KIF13A: variants seen among roughly 807,000 people sequenced by gnomAD.
KIF13A encodes kinesin-like protein KIF13A.
Under a neutral mutation model 212.2 loss-of-function variants are expected in KIF13A, and 79 were observed. The ratio of observed to expected loss-of-function variants is 0.37; its 90% CI spans 0.31 to 0.45. The LOEUF is 0.45. KIF13A is among the 20% of genes least tolerant of loss of function. KIF13A has a pLI of 1.00. For missense variants in KIF13A, 1,901 were observed against 2,209.0 expected, an observed-to-expected ratio of 0.86 and a Z score of 2.79; for synonymous variants, 789 against 808.6, an observed-to-expected ratio of 0.98 and a Z score of 0.41.
chr6:17,938,657 T>C (rs1776682838), intron 2 of KIF13A, among the ~76,000 whole-genome samples: 1 of 152,094 alleles, frequency 6.6e-6, no homozygotes, highest in Non-Finnish European at 1.5e-5. Flanking sequence ...CAACTAAATC[T>C]CACTGAAATG....
intron 4 of KIF13A, among the ~76,000 whole-genome samples, chr6:17,860,554 T>C (rs1363543503): frequency 6.6e-6 from 1 of 152,138 alleles, no homozygotes. Flanking sequence ...TGCATCTTAG[T>C]AGAATGCCTG....
chr6:17,874,198 ACT>A, intron 3 of KIF13A, among the ~76,000 whole-genome samples: 1 of 150,936 alleles, frequency 6.6e-6, no homozygotes, highest in African/African-American at 2.4e-5. Context: ...GAAGTTCAAA[ACT>A]CTCCATATTC....
At chr6:17,841,354 C>T (rs1024045388) in intron 9 of KIF13A, among the ~76,000 whole-genome samples, 2 of 152,132 alleles carry the variant, frequency 1.3e-5, no homozygotes, top group African/African-American at 4.8e-5. Flanking sequence ...TGTGAGCCAC[C>T]ATGCCCAGTC....
At chr6:17,784,684 T>G (rs368000255) in intron 28 of KIF13A, among the ~76,000 whole-genome samples, 142 of 152,188 alleles carry the variant, frequency 9.3e-4, no homozygotes, top group African/African-American at 3.2e-3. Context: ...ACAAACTGTC[T>G]AGAGAGGGCT....
At chr6:17,767,838 T>A (rs984675500) in intron 38 of KIF13A, among the ~76,000 whole-genome samples, 1 of 152,298 alleles carries the variant, frequency 6.6e-6, no homozygotes, top group Admixed American at 6.5e-5. Flanking sequence ...AATCATGAAT[T>A]CACTGAGTAG....
intron 2 of KIF13A, among the ~76,000 whole-genome samples, chr6:17,959,742 G>C (rs569747221): frequency 6.6e-6 from 1 of 152,178 alleles, no homozygotes; most frequent in African/African-American, 2.4e-5. Context: ...CTATCAGTTC[G>C]GCTGGGCGCA....
chr6:17,893,710 T>C (rs368540625), intron 3 of KIF13A, among the ~76,000 whole-genome samples: 1 of 152,174 alleles, frequency 6.6e-6, no homozygotes, highest in South Asian at 2.1e-4. Flanking sequence ...GGATGTCAGA[T>C]GTAGATTTCT....
chr6:17,964,316 A>C (rs909188589), intron 2 of KIF13A, among the ~76,000 whole-genome samples: 2 of 152,186 alleles, frequency 1.3e-5, no homozygotes, highest in Admixed American at 6.5e-5. Context: ...TAATCAGAAA[A>C]GCCCAAGTTT....
intron 2 of KIF13A, among the ~76,000 whole-genome samples, chr6:17,976,594 G>T (rs111832282): frequency 6.6e-6 from 1 of 152,150 alleles, no homozygotes; most frequent in Admixed American, 6.5e-5. Context: ...GCAAGCTGAG[G>T]GAGCCGGCTC....
rs1164978543 is a variant in KIF13A at position 17,768,050 on chromosome 6, G to A, written c.4581+3064C>T. ...TCCAGAAAAAGGAAAACTTAGTAGA[G>A]ATTAAACATTTTCCAATACTTAAAA... is the stretch of plus-strand genomic sequence containing the variant. On this transcript the variant is annotated intron_variant, in intron 38 of 38. Transcript: ENST00000259711. The surrounding 1 kb of genome is among the most constrained non-coding windows in gnomAD (Gnocchi z 5.4). Among the ~76,000 whole-genome samples, 1 of 152,118 alleles carries A rather than the reference G, an allele frequency of 6.6e-6. No homozygotes were observed. Among genetic ancestry groups the A allele is most frequent in the Non-Finnish European group, 1.5e-5 (1 of 68,032 alleles).
Position 17,821,953 on chromosome 6 carries a change from A to T in KIF13A, c.1786+3815T>A, listed in dbSNP as rs934822217. The T allele has an allele frequency of 7.2e-6, 11 of 1,532,024 alleles. No individual in the cohort carries two copies. In the East Asian group the frequency reaches 2.4e-4, roughly 34 times the overall value. The allele number at this position is 1,532,024 out of a possible 1,614,324, so 94.9% of individuals were successfully genotyped here. On this transcript the variant is annotated intron_variant, in intron 16 of 38. Coordinates refer to ENST00000259711, the MANE Select transcript of KIF13A (RefSeq NM_022113.6). Reference sequence around the variant, plus strand: ...GTGAACACCGTCCAGCCACCGGCACATCAGCACTTGCATCAGAGACTGTGT... The same window carrying T: ...GTGAACACCGTCCAGCCACCGGCACTTCAGCACTTGCATCAGAGACTGTGT...
chr6:17,884,843 T>C (rs567357589), intron 3 of KIF13A, among the ~76,000 whole-genome samples: 1 of 152,330 alleles, frequency 6.6e-6, no homozygotes, highest in South Asian at 2.1e-4. Flanking sequence ...GCCCCAGAGC[T>C]CTCTGAAAAG....
At position 17,785,708 on chromosome 6, in the gene KIF13A, A is replaced by G. The variant is rs555263859; in HGVS notation, c.3362-67T>C. ...AGTATGACTTCTCAGTTTACAAGGA[A>G]TAGATTTCAGCCTGGGCAACATAGT... On this transcript the variant is annotated intron_variant, in intron 27 of 38. Transcript: ENST00000259711. This position sits in a 1 kb window ranked among gnomAD's most constrained non-coding sequence, Gnocchi z 5.8. 5.2e-6 allele frequency: 8 copies of G among 1,539,648 alleles called. No individual in the cohort carries two copies. The highest frequency in any genetic ancestry group is 1.4e-5 in the African/African-American group (1 of 73,016).
rs1581885062 is a variant in KIF13A, at chr6:17,777,589, G to T, written c.4093-235C>A. On this transcript the variant is annotated intron_variant, in intron 33 of 38. Coordinates refer to ENST00000259711, the MANE Select transcript of KIF13A (RefSeq NM_022113.6). The surrounding 1 kb of genome is among the most constrained non-coding windows in gnomAD (Gnocchi z 4.4). Reference sequence around the variant, plus strand: ...AGTAGAGACGGGGTTTCACCATGTTGCCCAGGTTGGTCTTGAACTCCTGAG... The same window carrying T: ...AGTAGAGACGGGGTTTCACCATGTTTCCCAGGTTGGTCTTGAACTCCTGAG... Among the ~76,000 whole-genome samples the T allele has an allele frequency of 6.6e-6, 1 of 151,902 alleles. No homozygotes were observed. The highest frequency in any genetic ancestry group is 1.5e-5 in the Non-Finnish European group (1 of 67,994).
In KIF13A at chr6:17,816,734, C is replaced by G. The variant is rs1335438103; in HGVS notation, c.2000+286G>C. The stretch of plus-strand genomic sequence containing the variant: ...TTTTGTGTTAAAGAAATTATTCAAA[C>G]TTTCTAAATTTCAATACATACCTGT... On this transcript the variant is annotated intron_variant, in intron 17 of 38. Transcript: ENST00000259711. This position sits in a 1 kb window ranked among gnomAD's most constrained non-coding sequence, Gnocchi z 4.3. Among the ~76,000 whole-genome samples, 2 of 152,152 alleles carry G rather than the reference C, an allele frequency of 1.3e-5. No individual in the cohort carries two copies. The highest frequency in any genetic ancestry group is 2.9e-5 in the Non-Finnish European group (2 of 68,020).
rs1761115922 is a variant in KIF13A at position 17,787,035 on chromosome 6, T to C, written c.3361+741A>G. 6.6e-6 allele frequency among the ~76,000 whole-genome samples: 1 copy of C among 152,068 alleles called. No homozygotes were observed. The highest frequency in any genetic ancestry group is 1.5e-5 in the Non-Finnish European group (1 of 68,016). Reference sequence around the variant, plus strand: ...TGGAGCTGAGTGGCAGTGAATAGAGTTGTAGGGGCCACCCTGAACCAGCGG... The same window carrying C: ...TGGAGCTGAGTGGCAGTGAATAGAGCTGTAGGGGCCACCCTGAACCAGCGG... On this transcript the variant is annotated intron_variant, in intron 27 of 38. Transcript: ENST00000259711. The surrounding 1 kb of genome is among the most constrained non-coding windows in gnomAD (Gnocchi z 4.6).
Position 17,833,014 on chromosome 6 carries a change from C to CAAAAAAA in KIF13A, c.1266+940_1266+946dup, listed in dbSNP as rs61281213. On this transcript the variant is annotated intron_variant, in intron 12 of 38. Transcript: ENST00000259711. ...GGGCGACAGAGAGAGACTCTGTCTG[C>CAAAAAAA]AAAAAAAAAAAAAAAAAAAAAAAAA... Among the ~76,000 whole-genome samples the CAAAAAAA allele has an allele frequency of 1.6e-3, 121 of 75,394 alleles. 16 individuals carry two copies. The highest frequency in any genetic ancestry group is 8.0e-3 in the African/African-American group (119 of 14,800). 49.5% of individuals were successfully genotyped at this position (75,394 alleles called of 152,430 possible). A position where few individuals can be genotyped will look rare whatever the true frequency, so the allele number is the denominator to read the frequency against.
intron 18 of KIF13A, among the ~76,000 whole-genome samples, chr6:17,806,504 G>C (rs766176311): frequency 6.6e-6 from 1 of 152,164 alleles, no homozygotes; most frequent in Non-Finnish European, 1.5e-5. Context: ...TAGCTTGCTT[G>C]CTGGAAGAAA....
At chr6:17,784,548 C>T (rs1377045477) in intron 28 of KIF13A, among the ~76,000 whole-genome samples, 3 of 152,160 alleles carry the variant, frequency 2.0e-5, no homozygotes, top group South Asian at 2.1e-4. Context: ...AAAGAAGAGT[C>T]GTGGGTCCTT....
Sources: allele counts gnomAD v4.1 joint callset (sites outside exome capture counted in the v4.1 genomes callset), GRCh38; gene constraint gnomAD v4.1.1; non-coding constraint Gnocchi (gnomAD v3.1); transcripts MANE v1.5; gene names NCBI Gene and HGNC (gene_info 2026-07-23, HGNC 2026-07-21).